RBFOX1: variants seen among roughly 807,000 people sequenced by gnomAD.
RBFOX1 encodes RNA binding fox-1 homolog 1, also known as RNA binding protein fox-1 homolog 1.
In RBFOX1, 8 loss-of-function variants were observed where a neutral mutation model predicts 57.7. The observed-to-expected ratio is 0.14, with a 90% CI of 0.08 to 0.25. The LOEUF is 0.25. RBFOX1 is among the 10% of genes least tolerant of loss of function. The pLI is 1.00. For missense variants in RBFOX1, 611 were observed against 548.5 expected (o/e 1.11, Z -1.14); for synonymous variants, 326 against 222.4 (o/e 1.47, Z -4.15).
chr16:7,634,722 G>A (rs72775002), intron 11 of RBFOX1, among the ~76,000 whole-genome samples: 14 of 152,030 alleles, frequency 9.2e-5, no homozygotes, highest in East Asian at 1.9e-4. Flanking sequence ...GTTTTTCTCC[G>A]TCACCCCTGA....
intron 3 of RBFOX1, among the ~76,000 whole-genome samples, chr16:5,642,615 C>G (rs538925342): frequency 3.7e-4 from 57 of 152,226 alleles, no homozygotes; most frequent in African/African-American, 1.1e-3. Context: ...TAGCCGCCCC[C>G]CCTTCCCCAG....
chr16:5,501,318 C>CAA lies in RBFOX1; in HGVS notation c.258+34086_258+34087dup, dbSNP rs1160788118. On this transcript the variant is annotated intron_variant, in intron 2 of 2. Coordinates refer to the RBFOX1 transcript ENST00000585867. Reference sequence around the variant, plus strand: ...GGATGACAAAACGAGACTCTGTCTACAAAAAAAAAAAAAAAAAAAAAAAGA... The same window carrying CAA: ...GGATGACAAAACGAGACTCTGTCTACAAAAAAAAAAAAAAAAAAAAAAAAAGA... 9.0e-3 allele frequency among the ~76,000 whole-genome samples: 583 copies of CAA among 64,798 alleles called. 14 individuals are homozygous for CAA. The highest frequency in any genetic ancestry group is 0.012 in the Middle Eastern group (1 of 86). The allele number at this position is 64,798 out of a possible 152,430, so 42.5% of individuals were successfully genotyped here.
At chr16:5,632,303 C>G (rs572380036) in intron 3 of RBFOX1, among the ~76,000 whole-genome samples, 1 of 152,330 alleles carries the variant, frequency 6.6e-6, no homozygotes, top group East Asian at 1.9e-4. Context: ...GGTTCCCAAC[C>G]CACATCAATC....
intron 4 of RBFOX1, among the ~76,000 whole-genome samples, chr16:7,094,669 A>T: frequency 7.2e-6 from 1 of 138,070 alleles, no homozygotes. Flanking sequence ...TGTTCACCCT[A>T]CTCCAATGTC....
At chr16:5,747,278 C>T (rs1158989004) in intron 3 of RBFOX1, among the ~76,000 whole-genome samples, 1 of 152,166 alleles carries the variant, frequency 6.6e-6, no homozygotes, top group Non-Finnish European at 1.5e-5. Context: ...CTGCTGGATT[C>T]AGTTTGCCAG....
intron 4 of RBFOX1, among the ~76,000 whole-genome samples, chr16:7,091,083 C>T (rs954216855): frequency 6.6e-6 from 1 of 152,210 alleles, no homozygotes; most frequent in African/African-American, 2.4e-5. Flanking sequence ...CCCGCTTAAA[C>T]TCTACTACAA....
intron 3 of RBFOX1, among the ~76,000 whole-genome samples, chr16:6,954,481 A>T (rs1407818891): frequency 6.6e-6 from 1 of 152,180 alleles, no homozygotes; most frequent in Non-Finnish European, 1.5e-5. Context: ...TTTAAAACGT[A>T]ATTTTGTTGA....
At chr16:7,516,915 T>C (rs1227962691) in intron 4 of RBFOX1, among the ~76,000 whole-genome samples, 1 of 152,176 alleles carries the variant, frequency 6.6e-6, no homozygotes, top group Non-Finnish European at 1.5e-5. Context: ...TTTCGGATGT[T>C]GGTGGCAAGT....
intron 4 of RBFOX1, among the ~76,000 whole-genome samples, chr16:7,269,024 G>A (rs1024968415): frequency 3.5e-5 from 4 of 114,918 alleles, no homozygotes; most frequent in African/African-American, 1.4e-4. Context: ...GCGACAGAGT[G>A]AGACTCCATC....
intron 1 of RBFOX1, among the ~76,000 whole-genome samples, chr16:6,139,866 G>C (rs57818378): frequency 0.031 from 4,693 of 152,208 alleles, 258 homozygotes; most frequent in African/African-American, 0.11. Context: ...AGCAGAAAAG[G>C]GTGGACAAAG....
intron 1 of RBFOX1, among the ~76,000 whole-genome samples, chr16:6,187,305 A>C (rs2097111501): frequency 6.6e-6 from 1 of 152,104 alleles, no homozygotes; most frequent in African/African-American, 2.4e-5. Flanking sequence ...GGTCTAAGCC[A>C]TGAGAGGAGG....
chr16:5,330,037 C>T (rs992839436), intron 1 of RBFOX1, among the ~76,000 whole-genome samples: 3 of 151,800 alleles, frequency 2.0e-5, no homozygotes, highest in East Asian at 1.9e-4. Flanking sequence ...GCCTTCTTGC[C>T]GTGTCCTCAC....
chr16:6,872,976 A>G (rs2061207288), intron 3 of RBFOX1, among the ~76,000 whole-genome samples: 1 of 152,108 alleles, frequency 6.6e-6, no homozygotes, highest in African/African-American at 2.4e-5. Flanking sequence ...CTTGAGTATA[A>G]TGCCATTGAT....
intron 1 of RBFOX1, among the ~76,000 whole-genome samples, chr16:6,033,602 G>A (rs2095321468): frequency 6.6e-6 from 1 of 152,216 alleles, no homozygotes; most frequent in Admixed American, 6.5e-5. Context: ...GTGTGTGTGT[G>A]TGCACACGCA....
At chr16:6,973,179 G>C (rs191004870) in intron 3 of RBFOX1, among the ~76,000 whole-genome samples, 1 of 151,512 alleles carries the variant, frequency 6.6e-6, no homozygotes, top group East Asian at 2.0e-4. Context: ...TCAGCTTTGA[G>C]AGAGTGTGTG....
intron 3 of RBFOX1, among the ~76,000 whole-genome samples, chr16:6,854,496 G>C (rs553741326): frequency 6.6e-6 from 1 of 151,542 alleles, no homozygotes; most frequent in South Asian, 2.1e-4. Context: ...GTTTAGCGAA[G>C]TTGGGACTTT....
chr16:6,655,448 T>G (rs966886866), intron 3 of RBFOX1, among the ~76,000 whole-genome samples: 1 of 140,442 alleles, frequency 7.1e-6, no homozygotes, highest in African/African-American at 2.6e-5. Flanking sequence ...CACATTCATA[T>G]GAGCAACAGC....
intron 2 of RBFOX1, among the ~76,000 whole-genome samples, chr16:6,643,190 T>TA (rs999593018): frequency 1.3e-5 from 2 of 152,216 alleles, no homozygotes; most frequent in African/African-American, 4.8e-5. Context: ...TTGAGAAATT[T>TA]AAAAAGTTTA....
At chr16:7,498,065 A>T (rs956702584) in intron 4 of RBFOX1, among the ~76,000 whole-genome samples, 1 of 152,208 alleles carries the variant, frequency 6.6e-6, no homozygotes, top group East Asian at 1.9e-4. Flanking sequence ...TGGTAAAGTG[A>T]AAGTTATGTT....
Sources: allele counts gnomAD v4.1 joint callset (sites outside exome capture counted in the v4.1 genomes callset), GRCh38; gene constraint gnomAD v4.1.1; transcripts MANE v1.5; gene names NCBI Gene and HGNC (gene_info 2026-07-23, HGNC 2026-07-21).